The following SHANK2 variants were observed in gnomAD, a reference collection of about 807,000 sequenced individuals.
SHANK2 encodes the protein SH3 and multiple ankyrin repeat domains protein 2.
Under a neutral mutation model 133.7 loss-of-function variants are expected in SHANK2, and 43 were observed. The ratio of observed to expected loss-of-function variants is 0.32; its 90% CI spans 0.25 to 0.41. The LOEUF (loss-of-function observed/expected upper bound fraction) is 0.41, where lower values mean the gene tolerates loss of function less well. SHANK2 is among the 10% of genes least tolerant of loss of function. The probability of loss-of-function intolerance (pLI) is 1.00; values close to 1 mark genes in which losing one functional copy is unlikely to be tolerated. For missense variants in SHANK2, 1,994 were observed against 2,235.8 expected (o/e 0.89, Z 2.18); for synonymous variants, 1,017 against 952.8 (o/e 1.07, Z -1.24).
chr11:70,844,366 G>T (rs373540529), intron 11 of SHANK2, among the ~76,000 whole-genome samples: 1 of 150,930 alleles, frequency 6.6e-6, no homozygotes, highest in Non-Finnish European at 1.5e-5. Flanking sequence ...CGGGGGCGGG[G>T]CATGAAAATC....
In SHANK2 at chr11:70,783,048, G is replaced by A. The variant is rs182636275; in HGVS notation, c.1777+15395C>T. 3.5e-4 allele frequency among the ~76,000 whole-genome samples: 53 copies of A among 152,276 alleles called. 1 individual carries two copies. The Middle Eastern group carries it at 0.01, about 29-fold the overall frequency. Reference sequence around the variant, plus strand: ...TGCCGTCCTAAGAAGAGATAGCACAGTGCTCTTCTCTGTCTCTGTCTTTCT... The same window carrying A: ...TGCCGTCCTAAGAAGAGATAGCACAATGCTCTTCTCTGTCTCTGTCTTTCT... On this transcript the variant is annotated intron_variant, in intron 14 of 25. Transcript: ENST00000601538.
chr11:70,507,986 C>A (rs190079891), intron 17 of SHANK2, among the ~76,000 whole-genome samples: 3 of 152,246 alleles, frequency 2.0e-5, no homozygotes, highest in Non-Finnish European at 4.4e-5. Flanking sequence ...ACTCCTGCAA[C>A]GCACATTTGC....
At chr11:70,828,001 G>A (rs1439834300) in intron 11 of SHANK2, among the ~76,000 whole-genome samples, 1 of 152,138 alleles carries the variant, frequency 6.6e-6, no homozygotes, top group Non-Finnish European at 1.5e-5. Context: ...TCTCTTGGCC[G>A]GGTGCGGTGG....
intron 11 of SHANK2, among the ~76,000 whole-genome samples, chr11:70,843,548 C>T (rs1397332541): frequency 6.6e-6 from 1 of 151,900 alleles, no homozygotes; most frequent in Non-Finnish European, 1.5e-5. Context: ...CATTGATGTC[C>T]TTGAAGAAGA....
At chr11:70,641,612 G>A (rs1051577675) in intron 17 of SHANK2, among the ~76,000 whole-genome samples, 1 of 152,198 alleles carries the variant, frequency 6.6e-6, no homozygotes, top group Admixed American at 6.5e-5. Flanking sequence ...AGCCAGAGGC[G>A]GCCGAGCCCG....
intron 1 of SHANK2, among the ~76,000 whole-genome samples, chr11:71,239,712 C>A (rs972901021): frequency 6.6e-6 from 1 of 152,134 alleles, no homozygotes; most frequent in Non-Finnish European, 1.5e-5. Context: ...CTTAAGCAAG[C>A]CACCTACCCA....
intron 1 of SHANK2, among the ~76,000 whole-genome samples, chr11:71,231,735 A>G (rs1954744641): frequency 6.6e-6 from 1 of 152,298 alleles, no homozygotes; most frequent in African/African-American, 2.4e-5. Context: ...CTAAAAATAC[A>G]TAAATTAGCT....
intron 14 of SHANK2, among the ~76,000 whole-genome samples, chr11:70,740,370 A>G (rs1946498700): frequency 6.6e-6 from 1 of 152,150 alleles, no homozygotes; most frequent in Non-Finnish European, 1.5e-5. Context: ...TGTTCGACAA[A>G]TAAATGCCAG....
chr11:70,661,587 T>C lies in SHANK2; in HGVS notation c.1936+9A>G. The C allele has an allele frequency of 6.2e-7, 1 of 1,608,712 alleles. No homozygotes were observed. The highest frequency in any genetic ancestry group is 8.5e-7 in the Non-Finnish European group (1 of 1,177,284). On this transcript the variant is annotated intron_variant, in intron 16 of 25. Coordinates refer to ENST00000601538, the MANE Select transcript of SHANK2 (RefSeq NM_012309.5). ...GGAACATATTCAGGCTCAGAGCGGC[T>C]GCTCTTACCTTTGGCCCCTCGAAGC...
At chr11:70,546,281 T>C (rs1470357977) in intron 17 of SHANK2, among the ~76,000 whole-genome samples, 3 of 152,012 alleles carry the variant, frequency 2.0e-5, no homozygotes, top group African/African-American at 7.3e-5. Flanking sequence ...TGATTAATCA[T>C]TGGCCAATGG....
intron 14 of SHANK2, among the ~76,000 whole-genome samples, chr11:70,794,816 A>C (rs926353726): frequency 2.0e-5 from 3 of 152,160 alleles, no homozygotes; most frequent in Non-Finnish European, 4.4e-5. Context: ...TTGGCCTCCC[A>C]AGGTGCAAAG....
At chr11:70,506,234 T>G (rs2059135988) in intron 17 of SHANK2, among the ~76,000 whole-genome samples, 1 of 152,190 alleles carries the variant, frequency 6.6e-6, no homozygotes, top group African/African-American at 2.4e-5. Flanking sequence ...CACACACTCA[T>G]GCTGCCCCAG....
intron 25 of SHANK2, among the ~76,000 whole-genome samples, chr11:70,482,763 G>A (rs188147583): frequency 1.1e-4 from 17 of 152,232 alleles, no homozygotes; most frequent in Non-Finnish European, 2.2e-4. Flanking sequence ...GTGGGTCGGC[G>A]GTGGTATGCA....
At chr11:70,478,583 A>G (rs1555150728) in intron 25 of SHANK2, among the ~76,000 whole-genome samples, 1 of 152,238 alleles carries the variant, frequency 6.6e-6, no homozygotes, top group Non-Finnish European at 1.5e-5. Context: ...CGGAGGCAGC[A>G]AGTCCTTACC....
chr11:70,805,611 G>A (rs1555051652), intron 13 of SHANK2, among the ~76,000 whole-genome samples: 2 of 152,234 alleles, frequency 1.3e-5, no homozygotes, highest in Non-Finnish European at 2.9e-5. Flanking sequence ...TGGGGTAAGT[G>A]TGAAGGATTT....
At chr11:70,539,455 C>T (rs931575123) in intron 17 of SHANK2, among the ~76,000 whole-genome samples, 21 of 104,854 alleles carry the variant, frequency 2.0e-4, no homozygotes, top group African/African-American at 6.9e-4. Flanking sequence ...TGTGACACCG[C>T]GGTCTGGGGG....
intron 17 of SHANK2, among the ~76,000 whole-genome samples, chr11:70,586,340 G>T (rs2060252064): frequency 6.6e-6 from 1 of 152,182 alleles, no homozygotes. Flanking sequence ...TAAAAGCTGG[G>T]CACAAGGATC....
chr11:71,249,850 T>C (rs1252205425), intron 1 of SHANK2, among the ~76,000 whole-genome samples: 1 of 152,176 alleles, frequency 6.6e-6, no homozygotes, highest in Non-Finnish European at 1.5e-5. Context: ...TCCTCGTCAC[T>C]AATGAAATAT....
chr11:70,911,549 C>T (rs1201901177), intron 10 of SHANK2, among the ~76,000 whole-genome samples: 1 of 152,104 alleles, frequency 6.6e-6, no homozygotes, highest in African/African-American at 2.4e-5. Context: ...CCCCCAACTT[C>T]TCCTTTTTTG....
Sources: gnomAD v4.1 joint callset for allele counts (sites outside exome capture counted in the v4.1 genomes callset) on GRCh38, gnomAD v4.1.1 for gene constraint, MANE v1.5 for transcripts, NCBI Gene and HGNC (gene_info 2026-07-23, HGNC 2026-07-21) for gene names.